Variants in EGLN1 observed in about 807,000 individuals in gnomAD.
EGLN1 encodes the protein egl nine homolog 1.
EGLN1 carries 17 observed loss-of-function variants against 38.3 expected under a neutral mutation model. The observed-to-expected ratio is 0.44, with a 90% CI of 0.30 to 0.67. The LOEUF (loss-of-function observed/expected upper bound fraction) is 0.67, where lower values mean the gene tolerates loss of function less well. Ranked by LOEUF, EGLN1 falls within the 30% of genes least tolerant of loss-of-function variation. The pLI is 0.08. For synonymous variants in EGLN1, 283 were observed against 257.5 expected, an observed-to-expected ratio of 1.10 and a Z score of -0.95; for missense variants, 477 against 603.3, an observed-to-expected ratio of 0.79 and a Z score of 2.19.
intron 1 of EGLN1, among the ~76,000 whole-genome samples, chr1:231,405,352 T>C (rs1688761979): frequency 6.6e-6 from 1 of 151,892 alleles, no homozygotes. Context: ...GCTTTTTTTG[T>C]ATTTTTAGTA....
intron 1 of EGLN1, among the ~76,000 whole-genome samples, chr1:231,419,580 A>T (rs192057743): frequency 1.1e-4 from 16 of 147,218 alleles, no homozygotes; most frequent in Admixed American, 7.4e-4. Context: ...CAACTTTCTT[A>T]AAAATTTTAT....
chr1:231,417,598 G>A (rs1330332800), intron 1 of EGLN1, among the ~76,000 whole-genome samples: 4 of 152,096 alleles, frequency 2.6e-5, no homozygotes, highest in Non-Finnish European at 4.4e-5. Flanking sequence ...AAGGACATAG[G>A]ATCAAAGGGC....
intron 2 of EGLN1, among the ~76,000 whole-genome samples, chr1:231,373,136 A>T (rs567272541): frequency 5.6e-4 from 85 of 152,338 alleles, no homozygotes; most frequent in Middle Eastern, 3.4e-3. Flanking sequence ...TATATTTAAA[A>T]CAAGAGAGAT....
chr1:231,421,382 G>A lies in EGLN1; in HGVS notation c.507C>T (p.Pro169=), dbSNP rs756999294. 1.2e-6 allele frequency: 2 copies of A among 1,607,310 alleles called. No individual in the cohort carries two copies. The highest frequency in any genetic ancestry group is 2.2e-5 in the East Asian group (1 of 44,660). ...KANLYPPSNT[P]GDALSPGGGL... ...CGCCGCCGGGGCTCAGCGCATCCCC[G>A]GGCGTGTTGCTTGGGGGGTACAGGT... is the stretch of plus-strand genomic sequence containing the variant. The change falls in exon 1 of 5, where the codon CCC becomes CCT. Residue 169 remains proline, a synonymous_variant. Transcript: ENST00000366641. The surrounding 1 kb of genome is among the most constrained non-coding windows in gnomAD (Gnocchi z 5.5).
chr1:231,417,673 G>A (rs2095935), intron 1 of EGLN1, among the ~76,000 whole-genome samples: 23,037 of 152,190 alleles, frequency 0.15, 2,150 homozygotes, highest in African/African-American at 0.25. Flanking sequence ...GAGCTTGGTT[G>A]TATCAGTGGC....
chr1:231,404,706 A>G (rs1688745596), intron 1 of EGLN1, among the ~76,000 whole-genome samples: 1 of 152,176 alleles, frequency 6.6e-6, no homozygotes, highest in Non-Finnish European at 1.5e-5. Flanking sequence ...TAGTTTTTAA[A>G]ATTAATTAAC....
intron 1 of EGLN1, among the ~76,000 whole-genome samples, chr1:231,413,603 A>G (rs926363698): frequency 6.6e-6 from 1 of 152,094 alleles, no homozygotes; most frequent in Non-Finnish European, 1.5e-5. Flanking sequence ...ACATCTGTTT[A>G]TTGACTGTCC....
At chr1:231,397,219 C>T (rs1416917) in intron 1 of EGLN1, among the ~76,000 whole-genome samples, 1 of 152,344 alleles carries the variant, frequency 6.6e-6, no homozygotes, top group South Asian at 2.1e-4. Flanking sequence ...CAAGACATTT[C>T]TTGCAAGGCT....
At chr1:231,396,888 T>C (rs1237268194) in intron 1 of EGLN1, among the ~76,000 whole-genome samples, 1 of 152,166 alleles carries the variant, frequency 6.6e-6, no homozygotes, top group African/African-American at 2.4e-5. Flanking sequence ...ACACAATCAA[T>C]CAAATCAAAC....
At chr1:231,419,123 T>C (rs6695650) in intron 1 of EGLN1, among the ~76,000 whole-genome samples, 49 of 152,310 alleles carry the variant, frequency 3.2e-4, no homozygotes, top group African/African-American at 1.1e-3. Flanking sequence ...AAAATTAATA[T>C]AAGCAGATCA....
At chr1:231,387,943 A>G (rs186597261) in intron 1 of EGLN1, among the ~76,000 whole-genome samples, 42 of 152,312 alleles carry the variant, frequency 2.8e-4, no homozygotes, top group Admixed American at 4.6e-4. Flanking sequence ...GCCCAGGCTT[A>G]ATCTTTATGT....
At chr1:231,379,580 C>T (rs1194772475) in intron 1 of EGLN1, among the ~76,000 whole-genome samples, 10 of 152,184 alleles carry the variant, frequency 6.6e-5, no homozygotes, top group Admixed American at 4.6e-4. Flanking sequence ...GCTCAAAGCA[C>T]GAGATGGGAG....
At chr1:231,401,042 C>A (rs1456641018) in intron 1 of EGLN1, among the ~76,000 whole-genome samples, 1 of 152,068 alleles carries the variant, frequency 6.6e-6, no homozygotes, top group Non-Finnish European at 1.5e-5. Flanking sequence ...CAGAGTGAGA[C>A]CCTATCTCAA....
intron 3 of EGLN1, chr1:231,369,531 G>A: frequency 1.0e-6 from 1 of 983,390 alleles, no homozygotes; most frequent in Non-Finnish European, 1.2e-6. Flanking sequence ...TGATGTGACA[G>A]TCTTTCTTTG....
At chr1:231,388,351 C>T (rs796902699) in intron 1 of EGLN1, among the ~76,000 whole-genome samples, 8 of 152,234 alleles carry the variant, frequency 5.3e-5, no homozygotes, top group African/African-American at 9.6e-5. Context: ...GTTGATAAGA[C>T]GGTGAAATGT....
At chr1:231,397,985 T>C (rs1688573223) in intron 1 of EGLN1, among the ~76,000 whole-genome samples, 1 of 152,172 alleles carries the variant, frequency 6.6e-6, no homozygotes, top group Non-Finnish European at 1.5e-5. Flanking sequence ...AACCACAGTA[T>C]ATAGGACTGT....
chr1:231,377,182 A>G (rs1268333370), intron 1 of EGLN1, among the ~76,000 whole-genome samples: 1 of 152,226 alleles, frequency 6.6e-6, no homozygotes. Flanking sequence ...TTTGTGCATA[A>G]CAAGTTGTCT....
chr1:231,374,401 G>T (rs1687904556), intron 1 of EGLN1, among the ~76,000 whole-genome samples: 1 of 152,114 alleles, frequency 6.6e-6, no homozygotes, highest in South Asian at 2.1e-4. Context: ...GTACGTTTTT[G>T]TCCTGCTCCA....
At chr1:231,369,515 A>AT (rs1483670993) in intron 3 of EGLN1, 3 of 963,510 alleles carry the variant, frequency 3.1e-6, no homozygotes, top group Non-Finnish European at 3.7e-6. Context: ...AAAAGGGCAC[A>AT]TCATGTGATG....
Sources: gnomAD v4.1 joint callset for allele counts (sites outside exome capture counted in the v4.1 genomes callset) on GRCh38, gnomAD v4.1.1 for gene constraint, Gnocchi (gnomAD v3.1) non-coding constraint, MANE v1.5 for transcripts, NCBI Gene and HGNC (gene_info 2026-07-23, HGNC 2026-07-21) for gene names.